Variants in GRM8 observed in about 807,000 individuals in gnomAD.
GRM8 encodes the protein glutamate metabotropic receptor 8, also known as metabotropic glutamate receptor 8.
In GRM8, 47 loss-of-function variants were observed where a neutral mutation model predicts 87.2. That is an observed-to-expected ratio of 0.54 (90% CI 0.43 to 0.69). GRM8 has a LOEUF of 0.69. GRM8 is among the 30% of genes least tolerant of loss of function. The probability of loss-of-function intolerance (pLI) is 0.00; values close to 1 mark genes in which losing one functional copy is unlikely to be tolerated. For synonymous variants in GRM8, 396 were observed against 404.5 expected (o/e 0.98, Z 0.25); for missense variants, 1,019 against 1,139.2 (o/e 0.89, Z 1.52).
At chr7:126,827,539 G>T (rs189807661) in intron 6 of GRM8, among the ~76,000 whole-genome samples, 1 of 152,276 alleles carries the variant, frequency 6.6e-6, no homozygotes, top group East Asian at 1.9e-4. Flanking sequence ...GTATAAGAAT[G>T]CTTGTGATTT....
At chr7:126,825,149 C>T (rs1247909997) in intron 6 of GRM8, among the ~76,000 whole-genome samples, 3 of 152,120 alleles carry the variant, frequency 2.0e-5, no homozygotes, top group Non-Finnish European at 4.4e-5. Flanking sequence ...CTCACTGCAA[C>T]CTCCGCCTCC....
intron 6 of GRM8, among the ~76,000 whole-genome samples, chr7:126,802,162 C>T (rs1822780279): frequency 6.6e-6 from 1 of 152,158 alleles, no homozygotes; most frequent in African/African-American, 2.4e-5. Context: ...CGTTACCTCA[C>T]ATATGTATGT....
At chr7:126,735,990 C>T (rs185747535) in intron 7 of GRM8, among the ~76,000 whole-genome samples, 3 of 152,154 alleles carry the variant, frequency 2.0e-5, no homozygotes, top group Non-Finnish European at 4.4e-5. Flanking sequence ...TATTTTTATA[C>T]AATACCTTAA....
Position 127,064,064 on chromosome 7 carries a change from T to C in GRM8, c.727+42432A>G, listed in dbSNP as rs1820871261. 2.6e-5 allele frequency among the ~76,000 whole-genome samples: 4 copies of C among 152,266 alleles called. No homozygotes were observed. In the South Asian group the frequency reaches 8.3e-4, roughly 31 times the overall value. Reference sequence around the variant, plus strand: ...TCCAATTATGTGGTTGATTTTAGAGTATGTGCCATTTGGCAATGAGAAGAA... The same window carrying C: ...TCCAATTATGTGGTTGATTTTAGAGCATGTGCCATTTGGCAATGAGAAGAA... On this transcript the variant is annotated intron_variant, in intron 3 of 10. Transcript: ENST00000339582.
intron 7 of GRM8, among the ~76,000 whole-genome samples, chr7:126,691,453 G>A (rs983315953): frequency 1.3e-5 from 2 of 152,126 alleles, no homozygotes; most frequent in African/African-American, 4.8e-5. Context: ...CAGCTAGGTC[G>A]CTGCAGTGGT....
chr7:126,893,939 T>C (rs1317571859), intron 6 of GRM8, among the ~76,000 whole-genome samples: 1 of 152,056 alleles, frequency 6.6e-6, no homozygotes, highest in Admixed American at 6.6e-5. Flanking sequence ...TCCTAAGAAG[T>C]TGTGGTAATT....
intron 7 of GRM8, among the ~76,000 whole-genome samples, chr7:126,698,018 G>A (rs1374450024): frequency 1.3e-5 from 2 of 152,150 alleles, no homozygotes; most frequent in African/African-American, 4.8e-5. Flanking sequence ...CTTCATGGAA[G>A]CAAGTTATTC....
chr7:127,165,572 T>C (rs1463332630), intron 2 of GRM8, among the ~76,000 whole-genome samples: 1 of 152,150 alleles, frequency 6.6e-6, no homozygotes, highest in Non-Finnish European at 1.5e-5. Flanking sequence ...AATACTGACC[T>C]AATTTTTCAA....
chr7:126,463,133 C>A (rs1029391128), intron 9 of GRM8, among the ~76,000 whole-genome samples: 1 of 151,524 alleles, frequency 6.6e-6, no homozygotes, highest in African/African-American at 2.4e-5. Flanking sequence ...GAAACTCTTA[C>A]CTCCTGTTGC....
chr7:126,512,109 A>C (rs1275540397), intron 9 of GRM8: 2 of 152,124 alleles, frequency 1.3e-5, no homozygotes, highest in African/African-American at 2.4e-5. Context: ...ATAGCAATTC[A>C]GATCTGTTTC....
At chr7:126,597,789 T>C (rs1214861589) in intron 8 of GRM8, among the ~76,000 whole-genome samples, 1 of 152,082 alleles carries the variant, frequency 6.6e-6, no homozygotes, top group African/African-American at 2.4e-5. Flanking sequence ...ACTTTTTAAT[T>C]TTCATGGATA....
chr7:126,571,733 A>G (rs1228007101), intron 8 of GRM8, among the ~76,000 whole-genome samples: 1 of 147,856 alleles, frequency 6.8e-6, no homozygotes, highest in Non-Finnish European at 1.5e-5. Flanking sequence ...CCAATTCCAA[A>G]TATACAGGAT....
Position 126,905,931 on chromosome 7 carries a change from T to C in GRM8, c.728-1248A>G, listed in dbSNP as rs541949979. The stretch of plus-strand genomic sequence containing the variant: ...AACCTAGCATGATCATGGCCTATGG[T>C]AGAGACTGGCTGGGTTTGAAGTTGG... On this transcript the variant is annotated intron_variant, in intron 3 of 10. Transcript: ENST00000339582. Among the ~76,000 whole-genome samples, 5 of 152,246 alleles carry C rather than the reference T, an allele frequency of 3.3e-5. No individual in the cohort carries two copies. The South Asian group carries it at 8.3e-4, about 25-fold the overall frequency.
chr7:126,671,387 C>T (rs187025375), intron 7 of GRM8, among the ~76,000 whole-genome samples: 2 of 152,338 alleles, frequency 1.3e-5, no homozygotes, highest in East Asian at 3.9e-4. Context: ...TCTTGCTGCA[C>T]TTTATGCAAA....
At chr7:127,030,812 A>G (rs17866945) in intron 3 of GRM8, among the ~76,000 whole-genome samples, 1,685 of 152,226 alleles carry the variant, frequency 0.011, 27 homozygotes, top group African/African-American at 0.037. Flanking sequence ...TTTTTTTCCT[A>G]CATGACATCC....
intron 7 of GRM8, among the ~76,000 whole-genome samples, chr7:126,656,468 G>C (rs181623464): frequency 3.3e-5 from 5 of 152,114 alleles, no homozygotes; most frequent in Non-Finnish European, 7.4e-5. Context: ...CGCAAGGTCA[G>C]GAGATCGAGA....
At chr7:127,249,112 A>T (rs1177254463) in intron 1 of GRM8, among the ~76,000 whole-genome samples, 1 of 152,212 alleles carries the variant, frequency 6.6e-6, no homozygotes, top group African/African-American at 2.4e-5. Context: ...GCAGCTTTCT[A>T]GCTTTAGGCA....
chr7:126,950,650 C>A (rs1808041741), intron 3 of GRM8, among the ~76,000 whole-genome samples: 1 of 152,054 alleles, frequency 6.6e-6, no homozygotes, highest in African/African-American at 2.4e-5. Context: ...ATGATTATAG[C>A]CAGTTTTAGC....
At chr7:126,682,310 T>G (rs1807676330) in intron 7 of GRM8, among the ~76,000 whole-genome samples, 2 of 152,220 alleles carry the variant, frequency 1.3e-5, no homozygotes, top group Admixed American at 1.3e-4. Flanking sequence ...GAGCAACTAA[T>G]AATGACAGCT....
Sources: gnomAD v4.1 joint callset for allele counts (sites outside exome capture counted in the v4.1 genomes callset) on GRCh38, gnomAD v4.1.1 for gene constraint, MANE v1.5 for transcripts, NCBI Gene and HGNC (gene_info 2026-07-23, HGNC 2026-07-21) for gene names.